USP4: variants seen among roughly 807,000 people sequenced by gnomAD.
The protein encoded by USP4 is ubiquitin carboxyl-terminal hydrolase 4.
A neutral mutation model predicts 118.2 loss-of-function variants in USP4; 72 were observed. That is an observed-to-expected ratio of 0.61 (90% CI 0.50 to 0.74). The LOEUF (loss-of-function observed/expected upper bound fraction) is 0.74, where lower values mean the gene tolerates loss of function less well. USP4 is among the 30% of genes least tolerant of loss of function. USP4 has a pLI of 0.00. For missense variants in USP4, 1,037 were observed against 1,185.7 expected, an observed-to-expected ratio of 0.87 and a Z score of 1.84; for synonymous variants, 415 against 440.4, an observed-to-expected ratio of 0.94 and a Z score of 0.72.
At chr3:49,295,714 G>GCGCGCGCGCGCGCACACACACACA (rs149459963) in intron 13 of USP4, among the ~76,000 whole-genome samples, 4 of 148,320 alleles carry the variant, frequency 2.7e-5, no homozygotes, top group African/African-American at 1.0e-4. Flanking sequence ...GCGCGCGCGC[G>GCGCGCGCGCGCGCACACACACACA]CACACACACA....
Position 49,297,977 on chromosome 3 carries a change from A to G in USP4, c.1597-13T>C, listed in dbSNP as rs2047226791. ...CTGCGACCACCATCTAAGAATGAAC[A>G]GTAACAGAAAGACCACAGAATGGCT... On this transcript the variant is annotated splice_polypyrimidine_tract_variant and intron_variant, in intron 12 of 21. Transcript: ENST00000265560. The G allele has an allele frequency of 6.4e-7, 1 of 1,572,908 alleles. No individual in the cohort carries two copies. The highest frequency in any genetic ancestry group is 1.3e-5 in the African/African-American group (1 of 74,146).
In USP4 at chr3:49,339,927, T is replaced by C; in HGVS notation, c.98A>G (p.Gln33Arg). ...GAAGAGCGAGCCGGGAGCTCACCAC[T>C]GCGCCCCGCGTTGGAGTGTGGTCCT... ...LMRTTLQRGA[Q>R]WYLIDSRWFK... is the part of the protein sequence containing the mutation. Residue 33 changes from glutamine to arginine, a missense_variant, in exon 1 of 22, where the codon CAG becomes CGG. Gln to Arg is a conservative substitution (Grantham distance 43). This residue lies in a region of USP4 where 487 missense variants were observed against 534.1 expected (regional missense o/e 0.91). Transcript: ENST00000265560. The C allele has an allele frequency of 6.2e-7, 1 of 1,612,326 alleles. No homozygotes were observed. The highest frequency in any genetic ancestry group is 8.5e-7 in the Non-Finnish European group (1 of 1,179,400).
intron 14 of USP4, among the ~76,000 whole-genome samples, chr3:49,293,992 T>C (rs1315905175): frequency 6.6e-6 from 1 of 151,174 alleles, no homozygotes; most frequent in African/African-American, 2.4e-5. Context: ...TTTTTTTTTT[T>C]TGAGATGGAG....
chr3:49,335,382 A>G (rs888362121), intron 2 of USP4, 87 bp downstream of exon 2: 1 of 1,571,352 alleles, frequency 6.4e-7, no homozygotes, highest in African/African-American at 1.4e-5. Context: ...ACACTAGGAA[A>G]GTTCACAACG....
At chr3:49,290,437 A>T (rs1350272551) in intron 15 of USP4, among the ~76,000 whole-genome samples, 1 of 152,180 alleles carries the variant, frequency 6.6e-6, no homozygotes, top group East Asian at 1.9e-4. Context: ...AGTTAAAGTC[A>T]GTTCTCACTT....
chr3:49,300,412 G>T (rs2047252355), intron 11 of USP4, 55 bp downstream of exon 11: 1 of 1,532,310 alleles, frequency 6.5e-7, no homozygotes, highest in Non-Finnish European at 9.0e-7. Context: ...CAGTCCCACT[G>T]GGATCTGGAG....
chr3:49,286,429 T>A, intron 15 of USP4, 104 bp from the exon 16 acceptor site: 1 of 1,167,776 alleles, frequency 8.6e-7, no homozygotes, highest in Non-Finnish European at 1.2e-6. Context: ...GATTTTGTTC[T>A]GTGTATATGA....
intron 2 of USP4, among the ~76,000 whole-genome samples, chr3:49,331,171 T>G (rs1240386125): frequency 4.2e-5 from 6 of 143,730 alleles, no homozygotes; most frequent in Non-Finnish European, 4.5e-5. Flanking sequence ...AAAAACAAAA[T>G]TAGCTGGGCG....
In USP4 at chr3:49,311,588, T is replaced by C; in HGVS notation, c.762A>G (p.Ser254=). ...CATTTGCAATGAGAGAGGCAGACAC[T>C]GAGGAATAGGGACTTGCTGATGATT... ...SPKSSASPYS[S]VSASLIANGD... Residue 254 remains serine (S), a synonymous_variant, in exon 7 of 22, where the codon TCA becomes TCG. Transcript: ENST00000265560. The C allele has an allele frequency of 1.2e-6, 2 of 1,614,000 alleles. No homozygotes were observed. The highest frequency in any genetic ancestry group is 1.3e-5 in the African/African-American group (1 of 75,038).
At chr3:49,329,154 G>T (rs961246617) in intron 2 of USP4, among the ~76,000 whole-genome samples, 1 of 152,156 alleles carries the variant, frequency 6.6e-6, no homozygotes, top group Admixed American at 6.6e-5. Flanking sequence ...TCCAGCCTGG[G>T]TGACACAGCG....
intron 8 of USP4, among the ~76,000 whole-genome samples, chr3:49,306,147 T>C (rs535911809): frequency 4.0e-5 from 6 of 151,886 alleles, no homozygotes; most frequent in African/African-American, 1.4e-4. Flanking sequence ...TGAAAAAAAC[T>C]ACCTTAGGAA....
intron 1 of USP4, among the ~76,000 whole-genome samples, chr3:49,339,680 C>T (rs528454366): frequency 2.0e-5 from 3 of 152,300 alleles, no homozygotes; most frequent in Non-Finnish European, 2.9e-5. Flanking sequence ...CTCCACATCC[C>T]TCCTCCTGGC....
At position 49,280,819 on chromosome 3, in the gene USP4, T is replaced by A. The variant is rs754622960; in HGVS notation, c.2569A>T (p.Asn857Tyr). Residue 857 changes from asparagine (N) to tyrosine (Y), a missense_variant, in exon 20 of 22, where the codon AAC becomes TAC. Physicochemically the swap from Asn to Tyr is moderately radical, Grantham distance 143. Transcript: ENST00000265560. ...TACACATAAGGCCTTGCTGACAGGT[T>A]ACAGACAAACTCGGACATGTTCAGC... ...RGLNMSEFVC[N>Y]LSARPYVYDL... 1.2e-6 allele frequency: 2 copies of A among 1,614,132 alleles called. No individual in the cohort carries two copies. The highest frequency in any genetic ancestry group is 4.5e-5 in the East Asian group (2 of 44,880).
At position 49,324,990 on chromosome 3, in the gene USP4, A is replaced by T; in HGVS notation, c.537T>A (p.Arg179=). 1 of 1,612,884 alleles carries T rather than the reference A, an allele frequency of 6.2e-7. No individual in the cohort carries two copies. Among genetic ancestry groups the T allele is most frequent in the Non-Finnish European group, 8.5e-7 (1 of 1,179,858 alleles). ...TGTATTTGTTCCAGAGCCGTGTTTCACGCTCCGCAGGGATGTTGAATAGCT... is the reference window on the plus strand; with the variant it reads ...TGTATTTGTTCCAGAGCCGTGTTTCTCGCTCCGCAGGGATGTTGAATAGCT... ...MRKLFNIPAE[R]ETRLWNKYMS... The change falls in exon 5 of 22, where the codon CGT becomes CGA. Residue 179 remains arginine, a synonymous_variant. Transcript: ENST00000265560.
intron 19 of USP4, among the ~76,000 whole-genome samples, chr3:49,281,629 G>A (rs2047030113): frequency 6.7e-6 from 1 of 150,086 alleles, no homozygotes; most frequent in East Asian, 2.0e-4. Context: ...TAGGAGAATC[G>A]ATTGATCCTG....
chr3:49,284,941 C>G, intron 16 of USP4, 22 bp from the exon 17 acceptor site: 1 of 1,508,142 alleles, frequency 6.6e-7, no homozygotes, highest in Non-Finnish European at 8.9e-7. Context: ...CAAAATGTCA[C>G]TTGTTATGGA....
intron 6 of USP4, among the ~76,000 whole-genome samples, chr3:49,318,132 G>A (rs906624944): frequency 6.6e-6 from 1 of 152,100 alleles, no homozygotes; most frequent in Non-Finnish European, 1.5e-5. Flanking sequence ...CACCGTGCCT[G>A]ACCTAATTTT....
At chr3:49,329,212 A>AAGCAATTCAGTCACATCTTC (rs1372064720) in intron 2 of USP4, among the ~76,000 whole-genome samples, 2 of 152,126 alleles carry the variant, frequency 1.3e-5, no homozygotes, top group African/African-American at 4.8e-5. Context: ...ATAAAAAATA[A>AAGCAATTCAGTCACATCTTC]AGCAATTCAG....
intron 8 of USP4, among the ~76,000 whole-genome samples, chr3:49,307,341 G>A (rs577636195): frequency 2.6e-5 from 4 of 151,444 alleles, no homozygotes; most frequent in Admixed American, 1.3e-4. Context: ...CCAGCTACCC[G>A]GGAGGCAGAG....
Sources: gnomAD v4.1 joint callset for allele counts (sites outside exome capture counted in the v4.1 genomes callset) on GRCh38, gnomAD v4.1.1 for gene constraint, gnomAD v4.1.1 regional missense constraint, MANE v1.5 for transcripts, NCBI Gene and HGNC (gene_info 2026-07-23, HGNC 2026-07-21) for gene names.